Variants in GRIA1 observed in about 807,000 individuals in gnomAD.
The protein encoded by GRIA1 is glutamate receptor 1.
GRIA1 carries 31 observed loss-of-function variants against 99.2 expected under a neutral mutation model. The observed-to-expected ratio is 0.31, with a 90% CI of 0.23 to 0.42. The LOEUF is 0.42. Among genes scored for constraint, GRIA1 ranks in the 10% least tolerant of loss-of-function variants. GRIA1 has a pLI of 1.00. For synonymous variants in GRIA1, 438 were observed against 432.4 expected, an observed-to-expected ratio of 1.01 and a Z score of -0.16; for missense variants, 782 against 1,157.5, an observed-to-expected ratio of 0.68 and a Z score of 4.71.
chr5:153,795,372 C>T (rs188128176), intron 14 of GRIA1: 58 of 674,726 alleles, frequency 8.6e-5, no homozygotes, highest in Admixed American at 2.1e-4. Flanking sequence ...TTTGTCAGTG[C>T]ATATGATCTT....
chr5:153,738,873 C>G (rs1581572356), intron 11 of GRIA1, among the ~76,000 whole-genome samples: 1 of 152,006 alleles, frequency 6.6e-6, no homozygotes, highest in African/African-American at 2.4e-5. Flanking sequence ...CAGGCATGCA[C>G]CACCACGTCC....
intron 5 of GRIA1, among the ~76,000 whole-genome samples, chr5:153,670,534 T>C (rs1402983158): frequency 6.6e-6 from 1 of 151,720 alleles, no homozygotes; most frequent in Non-Finnish European, 1.5e-5. Flanking sequence ...TCAAAGAGAG[T>C]AGTAATCAAA....
chr5:153,663,010 C>G (rs1755482725), intron 5 of GRIA1, among the ~76,000 whole-genome samples: 1 of 152,172 alleles, frequency 6.6e-6, no homozygotes, highest in African/African-American at 2.4e-5. Flanking sequence ...ATCTCCAGAG[C>G]TGACACTGCC....
At chr5:153,493,589 A>G (rs561441270) in intron 1 of GRIA1, among the ~76,000 whole-genome samples, 1 of 152,336 alleles carries the variant, frequency 6.6e-6, no homozygotes, top group South Asian at 2.1e-4. Flanking sequence ...GTATGTTTAT[A>G]TAAGAGAATA....
chr5:153,490,750 G>A lies in GRIA1; in HGVS notation c.-139G>A. 1 of 745,530 alleles carries A rather than the reference G, an allele frequency of 1.3e-6. No individual in the cohort carries two copies. Among genetic ancestry groups the A allele is most frequent in the Non-Finnish European group, 2.4e-6 (1 of 409,124 alleles). The allele number at this position is 745,530 out of a possible 1,614,324, so 46.2% of individuals were successfully genotyped here. A position where few individuals can be genotyped will look rare whatever the true frequency, so the allele number is the denominator to read the frequency against. ...AGGGAAACAGACAAACCTCACGAAA[G>A]GAAGGAAGCAAGCAAGCAAGGAAGG... On this transcript the variant is annotated 5_prime_UTR_variant, in exon 1 of 16. Transcript: ENST00000285900.
chr5:153,713,530 AC>A (rs1398777146), intron 11 of GRIA1, among the ~76,000 whole-genome samples: 2 of 152,214 alleles, frequency 1.3e-5, no homozygotes, highest in Non-Finnish European at 2.9e-5. Context: ...GAGCAGTTTT[AC>A]AGACCTTTGA....
intron 2 of GRIA1, among the ~76,000 whole-genome samples, chr5:153,558,583 G>A (rs1278055580): frequency 2.0e-5 from 3 of 151,776 alleles, no homozygotes; most frequent in Non-Finnish European, 4.4e-5. Context: ...CCTTTTTATT[G>A]CTGAGCAAAT....
intron 2 of GRIA1, among the ~76,000 whole-genome samples, chr5:153,629,523 T>C (rs545914882): frequency 6.6e-6 from 1 of 152,340 alleles, no homozygotes; most frequent in African/African-American, 2.4e-5. Context: ...TTATAAATAC[T>C]TTCAATCTTA....
intron 2 of GRIA1, among the ~76,000 whole-genome samples, chr5:153,559,247 G>T (rs1361067753): frequency 6.6e-6 from 1 of 152,140 alleles, no homozygotes; most frequent in African/African-American, 2.4e-5. Flanking sequence ...TCCTGCAGAG[G>T]CACATGTAGT....
chr5:153,550,233 C>A (rs1488667016), intron 2 of GRIA1, among the ~76,000 whole-genome samples: 1 of 151,758 alleles, frequency 6.6e-6, no homozygotes, highest in African/African-American at 2.4e-5. Context: ...ATGTTCATTT[C>A]CCACCAGGGA....
intron 2 of GRIA1, among the ~76,000 whole-genome samples, chr5:153,631,719 T>A (rs1026072357): frequency 7.2e-5 from 11 of 152,174 alleles, no homozygotes; most frequent in Non-Finnish European, 1.3e-4. Flanking sequence ...ATTTTTTAAA[T>A]AATCTAATTG....
At chr5:153,769,041 C>A (rs1367838200) in intron 12 of GRIA1, among the ~76,000 whole-genome samples, 1 of 152,136 alleles carries the variant, frequency 6.6e-6, no homozygotes, top group Non-Finnish European at 1.5e-5. Flanking sequence ...TGTGACGGAC[C>A]CACAGGAGGG....
At chr5:153,605,232 T>C in intron 2 of GRIA1, among the ~76,000 whole-genome samples, 1 of 151,870 alleles carries the variant, frequency 6.6e-6, no homozygotes, top group East Asian at 1.9e-4. Flanking sequence ...AAAAGGCACA[T>C]CAACATTTCA....
intron 2 of GRIA1, among the ~76,000 whole-genome samples, chr5:153,614,316 C>T (rs1048033977): frequency 6.6e-6 from 1 of 152,192 alleles, no homozygotes; most frequent in Non-Finnish European, 1.5e-5. Context: ...TCCTCAGTGC[C>T]ATAGACAGTG....
chr5:153,620,012 A>G (rs1264128562), intron 2 of GRIA1, among the ~76,000 whole-genome samples: 1 of 152,194 alleles, frequency 6.6e-6, no homozygotes, highest in Non-Finnish European at 1.5e-5. Flanking sequence ...GGCTTTTATA[A>G]TGAGCTAAAA....
intron 11 of GRIA1, among the ~76,000 whole-genome samples, chr5:153,732,925 C>CTTTTTTTTT (rs1288005494): frequency 7.9e-6 from 1 of 127,326 alleles, no homozygotes. Flanking sequence ...AGTTAAATTT[C>CTTTTTTTTT]TTTTTTTTTT....
At chr5:153,668,127 A>G (rs1477259948) in intron 5 of GRIA1, among the ~76,000 whole-genome samples, 2 of 152,194 alleles carry the variant, frequency 1.3e-5, no homozygotes, top group East Asian at 3.8e-4. Context: ...CCCTATCTGA[A>G]CAATATGAGG....
chr5:153,794,358 T>C (rs1468752390), intron 13 of GRIA1, among the ~76,000 whole-genome samples: 2 of 152,198 alleles, frequency 1.3e-5, no homozygotes, highest in African/African-American at 2.4e-5. Flanking sequence ...GGGAAAACTA[T>C]TGGGGCCATT....
At chr5:153,770,448 C>T in intron 13 of GRIA1, 33 bp downstream of exon 13, 1 of 1,591,110 alleles carries the variant, frequency 6.3e-7, no homozygotes, top group Non-Finnish European at 8.6e-7. Flanking sequence ...CTTGGTACTC[C>T]CTCTCCCCTC....
Sources: gnomAD v4.1 joint callset for allele counts (sites outside exome capture counted in the v4.1 genomes callset) on GRCh38, gnomAD v4.1.1 for gene constraint, MANE v1.5 for transcripts, NCBI Gene and HGNC (gene_info 2026-07-23, HGNC 2026-07-21) for gene names.